RBFOX1: variants seen among roughly 807,000 people sequenced by gnomAD.
RBFOX1 encodes the protein RNA binding protein fox-1 homolog 1.
In RBFOX1, 8 loss-of-function variants were observed where a neutral mutation model predicts 57.7. The ratio of observed to expected loss-of-function variants is 0.14; its 90% CI spans 0.08 to 0.25. The LOEUF is 0.25. Among genes scored for constraint, RBFOX1 ranks in the 10% least tolerant of loss-of-function variants. The pLI is 1.00. For missense variants in RBFOX1, 611 were observed against 548.5 expected, an observed-to-expected ratio of 1.11 and a Z score of -1.14; for synonymous variants, 326 against 222.4, an observed-to-expected ratio of 1.47 and a Z score of -4.15.
At chr16:7,646,842 G>A (rs1429311717) in intron 11 of RBFOX1, among the ~76,000 whole-genome samples, 7 of 152,076 alleles carry the variant, frequency 4.6e-5, no homozygotes, top group Admixed American at 4.6e-4. Flanking sequence ...TCTCATTTGT[G>A]TTTATTTTCG....
intron 4 of RBFOX1, among the ~76,000 whole-genome samples, chr16:7,052,727 T>C (rs2050537550): frequency 6.6e-6 from 1 of 152,188 alleles, no homozygotes; most frequent in South Asian, 2.1e-4. Flanking sequence ...CTTGGTGACA[T>C]TGTTCTGCTT....
intron 4 of RBFOX1, among the ~76,000 whole-genome samples, chr16:7,464,589 A>G (rs1024657770): frequency 1.3e-5 from 2 of 150,062 alleles, no homozygotes; most frequent in African/African-American, 2.5e-5. Context: ...TTGGCTCTCC[A>G]TTTCGTCTTC....
At chr16:7,406,094 G>A (rs1394024419) in intron 4 of RBFOX1, among the ~76,000 whole-genome samples, 1 of 152,152 alleles carries the variant, frequency 6.6e-6, no homozygotes, top group Admixed American at 6.5e-5. Flanking sequence ...CCATTCTGGA[G>A]GTGAAGGCTT....
intron 2 of RBFOX1, among the ~76,000 whole-genome samples, chr16:6,580,480 A>C (rs2097521820): frequency 6.6e-6 from 1 of 152,228 alleles, no homozygotes; most frequent in African/African-American, 2.4e-5. Context: ...ACAGCAGGCA[A>C]GATTAAAAAC....
At chr16:6,186,551 A>T (rs1458009261) in intron 1 of RBFOX1, among the ~76,000 whole-genome samples, 4 of 152,134 alleles carry the variant, frequency 2.6e-5, no homozygotes, top group Admixed American at 2.6e-4. Context: ...GAGGTCAGGG[A>T]AAAGAACTGG....
intron 3 of RBFOX1, among the ~76,000 whole-genome samples, chr16:6,690,297 G>T (rs1422095081): frequency 6.6e-6 from 1 of 152,056 alleles, no homozygotes; most frequent in Admixed American, 6.6e-5. Flanking sequence ...ATGATAATAT[G>T]TGTGTTTTTA....
chr16:6,146,792 G>A (rs73529949), intron 1 of RBFOX1, among the ~76,000 whole-genome samples: 3,875 of 152,198 alleles, frequency 0.025, 153 homozygotes, highest in African/African-American at 0.086. Flanking sequence ...AAAGAAGTGA[G>A]CATCGTCTAA....
At chr16:6,382,150 C>A (rs2091875401) in intron 2 of RBFOX1, among the ~76,000 whole-genome samples, 1 of 152,184 alleles carries the variant, frequency 6.6e-6, no homozygotes, top group African/African-American at 2.4e-5. Context: ...CCATCATTTT[C>A]ATGTGTTGAA....
intron 2 of RBFOX1, among the ~76,000 whole-genome samples, chr16:6,351,565 G>A (rs1002851083): frequency 6.6e-6 from 1 of 151,466 alleles, no homozygotes; most frequent in Non-Finnish European, 1.5e-5. Flanking sequence ...GTAGAGACAG[G>A]GTTTCACTAT....
At chr16:7,646,940 G>C (rs1414182961) in intron 11 of RBFOX1, among the ~76,000 whole-genome samples, 3 of 152,068 alleles carry the variant, frequency 2.0e-5, no homozygotes, top group Non-Finnish European at 4.4e-5. Context: ...GGAGGTGGGA[G>C]GTGGGGGCTT....
At chr16:7,025,931 C>T (rs1020085171) in intron 3 of RBFOX1, among the ~76,000 whole-genome samples, 1 of 151,958 alleles carries the variant, frequency 6.6e-6, no homozygotes, top group South Asian at 2.1e-4. Flanking sequence ...CTCGGGAGCT[C>T]CCACCTGGCC....
At chr16:7,176,586 G>T (rs919709569) in intron 4 of RBFOX1, among the ~76,000 whole-genome samples, 1 of 152,144 alleles carries the variant, frequency 6.6e-6, no homozygotes, top group South Asian at 2.1e-4. Context: ...GGCTGTGTTT[G>T]TGCTACAACG....
intron 1 of RBFOX1, among the ~76,000 whole-genome samples, chr16:6,155,086 G>A (rs2096829189): frequency 6.6e-6 from 1 of 152,090 alleles, no homozygotes; most frequent in Non-Finnish European, 1.5e-5. Flanking sequence ...TTCTGTTCTG[G>A]AACTTCTTTT....
At chr16:7,003,794 A>G (rs1481962893) in intron 3 of RBFOX1, among the ~76,000 whole-genome samples, 3 of 152,144 alleles carry the variant, frequency 2.0e-5, no homozygotes, top group African/African-American at 4.8e-5. Context: ...ACTTTTTGGG[A>G]TGAGACTAAA....
intron 4 of RBFOX1, among the ~76,000 whole-genome samples, chr16:7,444,764 T>C (rs2098795680): frequency 6.6e-6 from 1 of 152,150 alleles, no homozygotes; most frequent in Admixed American, 6.5e-5. Flanking sequence ...ACCCCTGGGC[T>C]CAAGTGATCC....
At chr16:6,669,814 A>G (rs2098753034) in intron 3 of RBFOX1, among the ~76,000 whole-genome samples, 1 of 152,180 alleles carries the variant, frequency 6.6e-6, no homozygotes, top group South Asian at 2.1e-4. Flanking sequence ...AAGGGAGCAC[A>G]GTAGAAAAGC....
intron 1 of RBFOX1, among the ~76,000 whole-genome samples, chr16:5,392,682 C>T (rs960283986): frequency 6.6e-6 from 1 of 151,986 alleles, no homozygotes; most frequent in African/African-American, 2.4e-5. Context: ...GAAGCTTCTT[C>T]AAACCTAGAT....
At chr16:6,347,505 C>T (rs997855377) in intron 2 of RBFOX1, among the ~76,000 whole-genome samples, 1 of 152,148 alleles carries the variant, frequency 6.6e-6, no homozygotes, top group Non-Finnish European at 1.5e-5. Context: ...TTCACTATGA[C>T]AGTGTAGTGT....
At chr16:7,345,100 T>C (rs542250478) in intron 4 of RBFOX1, among the ~76,000 whole-genome samples, 1 of 152,268 alleles carries the variant, frequency 6.6e-6, no homozygotes, top group South Asian at 2.1e-4. Flanking sequence ...CCTTTATTTT[T>C]GGTTATCAGT....
Sources: gnomAD v4.1 joint callset for allele counts (sites outside exome capture counted in the v4.1 genomes callset) on GRCh38, gnomAD v4.1.1 for gene constraint, MANE v1.5 for transcripts, NCBI Gene and HGNC (gene_info 2026-07-23, HGNC 2026-07-21) for gene names.